The following AGBL4 variants were observed in gnomAD, a reference collection of about 807,000 sequenced individuals.
AGBL4 encodes AGBL carboxypeptidase 4, also known as cytosolic carboxypeptidase 6.
A neutral mutation model predicts 66.4 loss-of-function variants in AGBL4; 58 were observed. The ratio of observed to expected loss-of-function variants is 0.87; its 90% CI spans 0.71 to 1.09. The LOEUF is 1.09. AGBL4 is among the 50% of genes least tolerant of loss of function. The pLI, the probability that AGBL4 is intolerant of heterozygous loss-of-function variation, is 0.00. For synonymous variants in AGBL4, 234 were observed against 222.9 expected (o/e 1.05, Z -0.44); for missense variants, 579 against 631.0 (o/e 0.92, Z 0.88).
chr1:49,133,058 C>T (rs993087683), intron 4 of AGBL4, among the ~76,000 whole-genome samples: 3 of 152,214 alleles, frequency 2.0e-5, no homozygotes, highest in Admixed American at 6.5e-5. Context: ...ATTATGCAGC[C>T]ATAAAAAGAA....
At chr1:48,920,404 C>T (rs1159244524) in intron 5 of AGBL4, among the ~76,000 whole-genome samples, 2 of 152,194 alleles carry the variant, frequency 1.3e-5, no homozygotes, top group Non-Finnish European at 2.9e-5. Flanking sequence ...TTCTCTGCTA[C>T]ATCTGAAAGC....
At chr1:49,209,307 T>G (rs964398367) in intron 4 of AGBL4, among the ~76,000 whole-genome samples, 1 of 152,114 alleles carries the variant, frequency 6.6e-6, no homozygotes, top group African/African-American at 2.4e-5. Flanking sequence ...ATTTTCTTCC[T>G]AAATTATATT....
At chr1:49,436,829 T>C (rs954127790) in intron 3 of AGBL4, among the ~76,000 whole-genome samples, 7 of 152,100 alleles carry the variant, frequency 4.6e-5, no homozygotes, top group Non-Finnish European at 8.8e-5. Flanking sequence ...GACTTTGTTA[T>C]AAAAAACAAG....
At chr1:49,967,262 C>T (rs993086031) in intron 1 of AGBL4, among the ~76,000 whole-genome samples, 9 of 152,100 alleles carry the variant, frequency 5.9e-5, no homozygotes, top group South Asian at 4.1e-4. Flanking sequence ...ACCAGTGAAC[C>T]GAAATGTCCA....
At chr1:49,267,631 G>C (rs568514978) in intron 3 of AGBL4, among the ~76,000 whole-genome samples, 73 of 152,000 alleles carry the variant, frequency 4.8e-4, no homozygotes, top group South Asian at 1.0e-3. Context: ...AGTGAGCTGA[G>C]ATCACACCAC....
chr1:49,403,776 T>C (rs888730860), intron 3 of AGBL4, among the ~76,000 whole-genome samples: 2 of 152,222 alleles, frequency 1.3e-5, no homozygotes, highest in Non-Finnish European at 2.9e-5. Flanking sequence ...TTCAAGGCCC[T>C]GCTTGATTTA....
At chr1:49,119,505 G>C (rs1418437432) in intron 4 of AGBL4, among the ~76,000 whole-genome samples, 1 of 152,164 alleles carries the variant, frequency 6.6e-6, no homozygotes, top group South Asian at 2.1e-4. Context: ...TAGTTGTGTG[G>C]TTTTGAGTGA....
chr1:49,170,825 T>C (rs1462105721), intron 4 of AGBL4, among the ~76,000 whole-genome samples: 2 of 152,078 alleles, frequency 1.3e-5, no homozygotes, highest in African/African-American at 2.4e-5. Flanking sequence ...CTTAGTAAGT[T>C]ACAGTAACAG....
At chr1:49,131,657 A>G (rs750616356) in intron 4 of AGBL4, among the ~76,000 whole-genome samples, 28 of 152,092 alleles carry the variant, frequency 1.8e-4, no homozygotes, top group Admixed American at 5.3e-4. Context: ...AAAGAATGGA[A>G]TGTTTAAAAA....
rs549736633 is a variant in AGBL4, at chr1:48,748,909, A to G, written c.635-85668T>C. Among the ~76,000 whole-genome samples, 3 of 152,174 alleles carry G rather than the reference A, an allele frequency of 2.0e-5. No homozygotes were observed. In the South Asian group the frequency reaches 6.2e-4, roughly 32 times the overall value. On this transcript the variant is annotated intron_variant, in intron 6 of 13. Coordinates refer to ENST00000371839, the MANE Select transcript of AGBL4 (RefSeq NM_032785.4). ...TTCGTTGGGCAGAGGCAGGAGAAAA[A>G]AATTCTAGCATGAATCCTGGATTAG...
intron 3 of AGBL4, among the ~76,000 whole-genome samples, chr1:49,292,719 C>T (rs912089009): frequency 6.6e-6 from 1 of 152,082 alleles, no homozygotes; most frequent in African/African-American, 2.4e-5. Context: ...GAGGAGCTAC[C>T]CACTCCAGGG....
At chr1:49,123,243 C>T (rs1328461567) in intron 4 of AGBL4, among the ~76,000 whole-genome samples, 1 of 152,066 alleles carries the variant, frequency 6.6e-6, no homozygotes, top group Non-Finnish European at 1.5e-5. Flanking sequence ...CTATTATTAC[C>T]TCTAATTTAT....
At chr1:49,024,103 T>A (rs911075023) in intron 5 of AGBL4, among the ~76,000 whole-genome samples, 9 of 152,180 alleles carry the variant, frequency 5.9e-5, no homozygotes, top group African/African-American at 1.9e-4. Flanking sequence ...TTAATTTTGA[T>A]AAGTTGAGTT....
At chr1:49,294,272 T>G (rs1472955832) in intron 3 of AGBL4, among the ~76,000 whole-genome samples, 1 of 152,200 alleles carries the variant, frequency 6.6e-6, no homozygotes, top group Non-Finnish European at 1.5e-5. Context: ...TTATCTTTAG[T>G]TTGGTTTTTG....
chr1:48,835,730 C>T (rs1646656572), intron 6 of AGBL4, among the ~76,000 whole-genome samples: 1 of 152,176 alleles, frequency 6.6e-6, no homozygotes, highest in South Asian at 2.1e-4. Context: ...AGAAATGCAA[C>T]TTCAAGACCC....
At position 49,214,065 on chromosome 1, in the gene AGBL4, T is replaced by A. The variant is rs190863525; in HGVS notation, c.377+31705A>T. Among the ~76,000 whole-genome samples, 3 of 152,278 alleles carry A rather than the reference T, an allele frequency of 2.0e-5. No homozygotes were observed. In the East Asian group the frequency reaches 5.8e-4, roughly 30 times the overall value. ...CTACTTTTTCTTGGACGCACAGTAA[T>A]AAAGCTCCCTATCCAGAGTTCAAGA... On this transcript the variant is annotated intron_variant, in intron 4 of 13. Coordinates refer to ENST00000371839, the MANE Select transcript of AGBL4 (RefSeq NM_032785.4).
chr1:49,223,199 G>A (rs1649634447), intron 4 of AGBL4, among the ~76,000 whole-genome samples: 1 of 152,148 alleles, frequency 6.6e-6, no homozygotes, highest in African/African-American at 2.4e-5. Context: ...GAGCCTTTAA[G>A]TTTAGGAATG....
chr1:49,800,003 C>T (rs184739985), intron 2 of AGBL4, among the ~76,000 whole-genome samples: 1 of 152,290 alleles, frequency 6.6e-6, no homozygotes, highest in Admixed American at 6.5e-5. Flanking sequence ...AATCCCTTAA[C>T]TATAAGTAAC....
intron 6 of AGBL4, among the ~76,000 whole-genome samples, chr1:48,820,943 G>A (rs1198769196): frequency 6.6e-6 from 1 of 152,012 alleles, no homozygotes; most frequent in East Asian, 1.9e-4. Flanking sequence ...GTGGACAAAG[G>A]ATGTGAACAG....
Sources: allele counts gnomAD v4.1 joint callset (sites outside exome capture counted in the v4.1 genomes callset), GRCh38; gene constraint gnomAD v4.1.1; transcripts MANE v1.5; gene names NCBI Gene and HGNC (gene_info 2026-07-23, HGNC 2026-07-21).